The following GRID2 variants were observed in gnomAD, a reference collection of about 807,000 sequenced individuals.
GRID2 encodes glutamate receptor ionotropic, delta-2.
In GRID2, 33 loss-of-function variants were observed where a neutral mutation model predicts 114.8. That is an observed-to-expected ratio of 0.29 (90% confidence interval 0.22 to 0.38). The LOEUF is 0.38. Among genes scored for constraint, GRID2 ranks in the 10% least tolerant of loss-of-function variants. The pLI, the probability that GRID2 is intolerant of heterozygous loss-of-function variation, is 1.00. For synonymous variants in GRID2, 505 were observed against 449.9 expected, an observed-to-expected ratio of 1.12 and a Z score of -1.55; for missense variants, 1,184 against 1,257.7, an observed-to-expected ratio of 0.94 and a Z score of 0.89.
At chr4:93,534,518 G>A (rs1430045451) in intron 13 of GRID2, among the ~76,000 whole-genome samples, 3 of 151,800 alleles carry the variant, frequency 2.0e-5, no homozygotes, top group Admixed American at 2.0e-4. Context: ...ACTTTATGAG[G>A]GCAAGAATTT....
intron 2 of GRID2, among the ~76,000 whole-genome samples, chr4:93,017,086 T>C (rs1174232417): frequency 1.3e-5 from 2 of 152,164 alleles, no homozygotes; most frequent in Non-Finnish European, 2.9e-5. Context: ...AATAATTCTT[T>C]AATCCCCTAA....
chr4:92,827,417 AAAG>A (rs750805997), intron 2 of GRID2, among the ~76,000 whole-genome samples: 2 of 151,718 alleles, frequency 1.3e-5, no homozygotes, highest in Admixed American at 6.6e-5. Context: ...AAAAAAAAAA[AAAG>A]GAGGGAGTCA....
At chr4:93,638,329 C>T (rs1721618160) in intron 14 of GRID2, among the ~76,000 whole-genome samples, 3 of 25,986 alleles carry the variant, frequency 1.2e-4, no homozygotes, top group South Asian at 7.3e-4. Flanking sequence ...TAATTATACT[C>T]TAAGTTTTAG....
intron 8 of GRID2, among the ~76,000 whole-genome samples, chr4:93,319,045 C>A (rs1756964665): frequency 6.6e-6 from 1 of 152,068 alleles, no homozygotes; most frequent in Non-Finnish European, 1.5e-5. Flanking sequence ...TTTTAAGCTA[C>A]CAGTGTGACA....
At chr4:93,232,712 T>C (rs1334828708) in intron 7 of GRID2, among the ~76,000 whole-genome samples, 1 of 151,880 alleles carries the variant, frequency 6.6e-6, no homozygotes, top group Admixed American at 6.6e-5. Context: ...TACCAGTACA[T>C]TTTCTTATAT....
At chr4:93,248,169 C>T (rs1436691335) in intron 8 of GRID2, among the ~76,000 whole-genome samples, 3 of 152,146 alleles carry the variant, frequency 2.0e-5, no homozygotes, top group African/African-American at 7.2e-5. Flanking sequence ...ATCCACTGAA[C>T]AACCTAATTC....
At chr4:93,796,039 C>A (rs1225038913) in intron 1 of GRID2, among the ~76,000 whole-genome samples, 1 of 152,104 alleles carries the variant, frequency 6.6e-6, no homozygotes, top group African/African-American at 2.4e-5. Context: ...AGGACAGAGG[C>A]CCCTATTCTC....
At chr4:93,589,412 A>G (rs1386007180) in intron 13 of GRID2, among the ~76,000 whole-genome samples, 2 of 151,758 alleles carry the variant, frequency 1.3e-5, no homozygotes, top group Admixed American at 6.6e-5. Context: ...ATAGTATTCC[A>G]TGGTGTATAT....
intron 2 of GRID2, among the ~76,000 whole-genome samples, chr4:92,943,730 A>G (rs1751369070): frequency 6.6e-6 from 1 of 151,860 alleles, no homozygotes; most frequent in South Asian, 2.1e-4. Context: ...TTGGTCTTTG[A>G]TGATGGTGAC....
At chr4:93,266,779 A>C (rs1750882504) in intron 8 of GRID2, among the ~76,000 whole-genome samples, 1 of 152,168 alleles carries the variant, frequency 6.6e-6, no homozygotes, top group Non-Finnish European at 1.5e-5. Flanking sequence ...TCTAGGCTTT[A>C]TGAATGAAAG....
intron 11 of GRID2, among the ~76,000 whole-genome samples, chr4:93,460,714 A>G (rs9307125): frequency 0.24 from 36,711 of 152,122 alleles, 5,449 homozygotes; most frequent in Non-Finnish European, 0.34. Flanking sequence ...GATAAATTTA[A>G]TGAATGGATG....
chr4:92,551,750 CAT>C (rs1726602820), intron 1 of GRID2, among the ~76,000 whole-genome samples: 1 of 151,952 alleles, frequency 6.6e-6, no homozygotes, highest in South Asian at 2.1e-4. Context: ...CAATTATAAA[CAT>C]GTTGCATTGG....
At chr4:92,746,275 T>A (rs552504271) in intron 2 of GRID2, among the ~76,000 whole-genome samples, 1 of 152,160 alleles carries the variant, frequency 6.6e-6, no homozygotes, top group Non-Finnish European at 1.5e-5. Context: ...AATTGAAATT[T>A]AGGGAATTTA....
intron 8 of GRID2, among the ~76,000 whole-genome samples, chr4:93,369,557 T>C (rs1579847930): frequency 6.6e-6 from 1 of 152,124 alleles, no homozygotes; most frequent in African/African-American, 2.4e-5. Flanking sequence ...TGGACAGTCA[T>C]GGCTCACTGC....
chr4:92,368,797 A>G (rs1317367686), intron 1 of GRID2, among the ~76,000 whole-genome samples: 18 of 152,096 alleles, frequency 1.2e-4, no homozygotes, highest in Non-Finnish European at 2.5e-4. Flanking sequence ...TATGACCTGA[A>G]GGAAAAATCA....
intron 1 of GRID2, among the ~76,000 whole-genome samples, chr4:92,481,105 A>G (rs1227573700): frequency 6.6e-6 from 1 of 152,184 alleles, no homozygotes; most frequent in East Asian, 1.9e-4. Flanking sequence ...GAATGTGTAT[A>G]TGACGTAAAC....
intron 1 of GRID2, among the ~76,000 whole-genome samples, chr4:92,401,788 T>C (rs1228206550): frequency 6.6e-6 from 1 of 152,100 alleles, no homozygotes; most frequent in Non-Finnish European, 1.5e-5. Flanking sequence ...AGAGTAGTGG[T>C]TGCTGATGGT....
Position 93,395,658 on chromosome 4 carries a change from A to G in GRID2, c.1297A>G (p.Lys433Glu), listed in dbSNP as rs1391205083. Reference sequence around the variant, plus strand: ...TCTGAATGGGTCACTGACTGACAAGAAATTGGAGAATAACATGCGTGGAGT... The same window carrying G: ...TCTGAATGGGTCACTGACTGACAAGGAATTGGAGAATAACATGCGTGGAGT... ...TGLNGSLTDK[K>E]LENNMRGVVL... is the part of the protein sequence containing the mutation. Residue 433 changes from lysine (K) to glutamate (E), a missense_variant, in exon 9 of 16, where the codon AAA becomes GAA. Transcript: ENST00000282020. 5 of 1,586,892 alleles carry G rather than the reference A, an allele frequency of 3.2e-6. No homozygotes were observed. Among genetic ancestry groups the G allele is most frequent in the Non-Finnish European group, 4.3e-6 (5 of 1,155,826 alleles).
intron 1 of GRID2, among the ~76,000 whole-genome samples, chr4:92,313,848 G>A (rs1318008915): frequency 2.0e-5 from 3 of 152,026 alleles, no homozygotes; most frequent in East Asian, 1.9e-4. Context: ...TAGAGAACCC[G>A]AAGATTTAAT....
Sources: allele counts gnomAD v4.1 joint callset (sites outside exome capture counted in the v4.1 genomes callset), GRCh38; gene constraint gnomAD v4.1.1; transcripts MANE v1.5; gene names NCBI Gene and HGNC (gene_info 2026-07-23, HGNC 2026-07-21).